RBFOX1: variants seen among roughly 807,000 people sequenced by gnomAD.
The protein encoded by RBFOX1 is RNA binding protein fox-1 homolog 1.
In RBFOX1, 8 loss-of-function variants were observed where a neutral mutation model predicts 57.7. The ratio of observed to expected loss-of-function variants is 0.14; its 90% CI spans 0.08 to 0.25. The LOEUF is 0.25. RBFOX1 is among the 10% of genes least tolerant of loss of function. The pLI, the probability that RBFOX1 is intolerant of heterozygous loss-of-function variation, is 1.00. For synonymous variants in RBFOX1, 326 were observed against 222.4 expected (o/e 1.47, Z -4.15); for missense variants, 611 against 548.5 (o/e 1.11, Z -1.14).
chr16:6,902,586 G>T (rs1422708708), intron 3 of RBFOX1, among the ~76,000 whole-genome samples: 1 of 152,126 alleles, frequency 6.6e-6, no homozygotes, highest in African/African-American at 2.4e-5. Context: ...GCCAAGTATG[G>T]TGGCACACAC....
At chr16:5,837,143 C>G (rs530261473) in intron 3 of RBFOX1, among the ~76,000 whole-genome samples, 1 of 152,194 alleles carries the variant, frequency 6.6e-6, no homozygotes, top group Non-Finnish European at 1.5e-5. Flanking sequence ...TCGCTCAAAT[C>G]CCCCTGGAAT....
intron 2 of RBFOX1, among the ~76,000 whole-genome samples, chr16:5,504,367 G>T (rs1370103525): frequency 1.3e-5 from 2 of 152,204 alleles, no homozygotes; most frequent in African/African-American, 4.8e-5. Context: ...GCCCAGCCTG[G>T]CCCAGGCTCC....
chr16:7,001,712 C>A (rs1244327291), intron 3 of RBFOX1, among the ~76,000 whole-genome samples: 1 of 152,120 alleles, frequency 6.6e-6, no homozygotes, highest in Non-Finnish European at 1.5e-5. Context: ...CCTCCTTGGC[C>A]TCCCACGGTG....
chr16:7,332,963 G>T, intron 4 of RBFOX1: 1 of 1,612,758 alleles, frequency 6.2e-7, no homozygotes, highest in Non-Finnish European at 8.5e-7. Context: ...CTCCATTGAT[G>T]TGTTGAGCTT....
intron 2 of RBFOX1, among the ~76,000 whole-genome samples, chr16:5,468,946 C>T (rs529038672): frequency 2.0e-5 from 3 of 152,352 alleles, no homozygotes; most frequent in South Asian, 2.1e-4. Context: ...GGGCTGGGAA[C>T]TGAGAACAGA....
chr16:5,317,879 T>G (rs751919313), intron 1 of RBFOX1, among the ~76,000 whole-genome samples: 1 of 152,158 alleles, frequency 6.6e-6, no homozygotes, highest in Non-Finnish European at 1.5e-5. Context: ...ATTTACAAAA[T>G]TTTTATCATC....
At chr16:7,084,007 TA>T (rs1453985530) in intron 4 of RBFOX1, among the ~76,000 whole-genome samples, 6 of 152,100 alleles carry the variant, frequency 3.9e-5, no homozygotes, top group Non-Finnish European at 8.8e-5. Context: ...TGTGACCTGT[TA>T]AAGGCCCTAA....
intron 1 of RBFOX1, among the ~76,000 whole-genome samples, chr16:5,451,999 C>T (rs1450948859): frequency 1.3e-5 from 2 of 152,136 alleles, no homozygotes; most frequent in Non-Finnish European, 2.9e-5. Flanking sequence ...TTCACCATCT[C>T]CCTCCACCCC....
chr16:5,367,614 G>T (rs184024517), intron 1 of RBFOX1, among the ~76,000 whole-genome samples: 8 of 152,342 alleles, frequency 5.3e-5, no homozygotes, highest in African/African-American at 1.9e-4. Context: ...GGGCGTAACA[G>T]CAGCTCTAGC....
rs557742133 is a variant in RBFOX1, at chr16:7,565,506, A to G, written c.271-14271A>G. 3.3e-5 allele frequency among the ~76,000 whole-genome samples: 5 copies of G among 152,290 alleles called. 1 individual carries two copies. Among genetic ancestry groups the G allele is most frequent in the African/African-American group, 1.2e-4 (5 of 41,556 alleles). ...CCTGCTATTCTCTGCAGACTGAGAGAGGGGGACCGTGGACCCTGTAAATTC... is the reference window on the plus strand; with the variant it reads ...CCTGCTATTCTCTGCAGACTGAGAGGGGGGGACCGTGGACCCTGTAAATTC... On this transcript the variant is annotated intron_variant, in intron 5 of 15. Transcript: ENST00000550418.
At chr16:6,185,095 T>C (rs929074842) in intron 1 of RBFOX1, among the ~76,000 whole-genome samples, 5 of 152,148 alleles carry the variant, frequency 3.3e-5, no homozygotes, top group African/African-American at 7.2e-5. Flanking sequence ...TATGGAGATA[T>C]AGATTTAGGA....
chr16:7,303,483 G>GGC (rs1482069549), intron 4 of RBFOX1, among the ~76,000 whole-genome samples: 8 of 152,234 alleles, frequency 5.3e-5, no homozygotes, highest in African/African-American at 1.9e-4. Flanking sequence ...CCTGATGCCG[G>GGC]GCGCGCGGGG....
chr16:6,958,408 A>G (rs2082300064), intron 3 of RBFOX1, among the ~76,000 whole-genome samples: 1 of 152,106 alleles, frequency 6.6e-6, no homozygotes, highest in African/African-American at 2.4e-5. Flanking sequence ...CCCCCTTTTT[A>G]TGATCGGGTA....
At chr16:5,640,668 A>G (rs1454358946) in intron 3 of RBFOX1, among the ~76,000 whole-genome samples, 1 of 151,614 alleles carries the variant, frequency 6.6e-6, no homozygotes, top group African/African-American at 2.4e-5. Context: ...ATACACATAC[A>G]TGCATACACA....
In RBFOX1 at chr16:6,881,162, C is replaced by T. The variant is rs150085024; in HGVS notation, c.-15-170895C>T. On this transcript the variant is annotated intron_variant, in intron 3 of 15. Coordinates refer to ENST00000550418, the MANE Select transcript of RBFOX1 (RefSeq NM_018723.4). ...TGACTATAGATGATCAGAGCTGGCACACAAAATGAAACCCATTTGCTCTCC... is the reference window on the plus strand; with the variant it reads ...TGACTATAGATGATCAGAGCTGGCATACAAAATGAAACCCATTTGCTCTCC... Among the ~76,000 whole-genome samples the T allele has an allele frequency of 7.2e-3, 1,101 of 152,220 alleles. 11 individuals are homozygous for T. Among genetic ancestry groups the T allele is most frequent in the Non-Finnish European group, 0.011 (753 of 68,030 alleles).
At chr16:7,385,166 A>C (rs936621488) in intron 4 of RBFOX1, among the ~76,000 whole-genome samples, 13 of 152,244 alleles carry the variant, frequency 8.5e-5, no homozygotes, top group Admixed American at 4.6e-4. Flanking sequence ...TAACCACGAT[A>C]ATGAATATAA....
intron 3 of RBFOX1, among the ~76,000 whole-genome samples, chr16:5,812,427 A>G (rs926417924): frequency 1.3e-5 from 2 of 150,986 alleles, no homozygotes; most frequent in South Asian, 2.1e-4. Flanking sequence ...TACTTCTCAC[A>G]TACACTCACC....
At chr16:6,844,560 C>CA (rs1567523871) in intron 3 of RBFOX1, among the ~76,000 whole-genome samples, 1 of 149,422 alleles carries the variant, frequency 6.7e-6, no homozygotes, top group African/African-American at 2.5e-5. Flanking sequence ...ATATGTACGA[C>CA]TTTTTTTTTT....
intron 3 of RBFOX1, among the ~76,000 whole-genome samples, chr16:6,922,621 G>C (rs138256662): frequency 6.6e-6 from 1 of 152,162 alleles, no homozygotes; most frequent in Non-Finnish European, 1.5e-5. Context: ...CTTGCTGACT[G>C]TTGAATGTGA....
Sources: allele counts gnomAD v4.1 joint callset (sites outside exome capture counted in the v4.1 genomes callset), GRCh38; gene constraint gnomAD v4.1.1; transcripts MANE v1.5; gene names NCBI Gene and HGNC (gene_info 2026-07-23, HGNC 2026-07-21).